Variants in GEMIN4 observed in about 807,000 individuals in gnomAD.
GEMIN4 encodes the protein gem-associated protein 4.
GEMIN4 carries 59 observed loss-of-function variants against 76.8 expected under a neutral mutation model. That is an observed-to-expected ratio of 0.77 (90% CI 0.62 to 0.95). The LOEUF is 0.95. Among genes scored for constraint, GEMIN4 ranks in the 40% least tolerant of loss-of-function variants. GEMIN4 has a pLI of 0.00. For synonymous variants in GEMIN4, 562 were observed against 559.7 expected (o/e 1.00, Z -0.06); for missense variants, 1,311 against 1,318.9 (o/e 0.99, Z 0.09).
In GEMIN4 at chr17:746,196, G is replaced by A. The variant is rs1328232001; in HGVS notation, c.1847C>T (p.Ser616Phe). 1.2e-6 allele frequency: 2 copies of A among 1,613,760 alleles called. No individual in the cohort carries two copies. The highest frequency in any genetic ancestry group is 1.3e-5 in the African/African-American group (1 of 74,928). Residue 616 changes from serine to phenylalanine, a missense_variant, in exon 2 of 2, where the codon TCT becomes TTT. By Grantham distance (155) the Ser-to-Phe change is radical. This residue lies in a region of GEMIN4 where 1,208 missense variants were observed against 1,166.9 expected (regional missense o/e 1.04). Transcript: ENST00000319004. The surrounding 1 kb of genome is among the most constrained non-coding windows in gnomAD (Gnocchi z 4.3). ...AAATTGCTTTTCTTCCTTGGGTGTA[G>A]AGAACTTCATCCAGACGGTTTCTTT... ...CLKETVWMKF[S>F]TPKEEKQFLE...
chr17:746,861 C>T lies in GEMIN4; in HGVS notation c.1182G>A (p.Leu394=), dbSNP rs750514880. ...TGATATCCTCCAAGGCCCTGTTCTTCAGCACCGTGCTCGTTTTCCTCAGGA... is the reference window on the plus strand; with the variant it reads ...TGATATCCTCCAAGGCCCTGTTCTTTAGCACCGTGCTCGTTTTCCTCAGGA... ...RDFLRKTSTV[L]KNRALEDITA... The change falls in exon 2 of 2, where the codon CTG becomes CTA. Residue 394 remains leucine (L), a synonymous_variant. Coordinates refer to ENST00000319004, the MANE Select transcript of GEMIN4 (RefSeq NM_015721.3). The surrounding 1 kb of genome is among the most constrained non-coding windows in gnomAD (Gnocchi z 4.3). 5.6e-6 allele frequency: 9 copies of T among 1,613,722 alleles called. No individual in the cohort carries two copies. In the South Asian group the frequency reaches 7.7e-5, roughly 14 times the overall value.
chr17:747,581 G>A lies in GEMIN4; in HGVS notation c.462C>T (p.Ala154=), dbSNP rs151264305. ...FLEHVTVDTS[A]EDVAFFLDVW... The stretch of plus-strand genomic sequence containing the variant: ...CGTCCAGGAAGAAGGCCACGTCTTC[G>A]GCAGAAGTGTCAACGGTCACATGTT... Residue 154 remains alanine (A), a synonymous_variant, in exon 2 of 2, where the codon GCC becomes GCT. Coordinates refer to ENST00000319004, the MANE Select transcript of GEMIN4 (RefSeq NM_015721.3). 3.6e-5 allele frequency: 58 copies of A among 1,613,860 alleles called. No homozygotes were observed. In the African/African-American group the frequency reaches 5.9e-4, roughly 16 times the overall value.
Position 747,688 on chromosome 17 carries a change from G to C in GEMIN4, c.355C>G (p.Leu119Val). Reference protein sequence around the residue: ...HTILFELLKSLEASGLFIQLL... With the variant: ...HTILFELLKSVEASGLFIQLL... ...TGGATAAAGAGTCCAGAAGCTTCCA[G>C]GGATTTGAGCAGCTCGAAGAGGATG... Residue 119 changes from leucine to valine, a missense_variant, in exon 2 of 2, where the codon CTG (leucine) becomes GTG (valine). Around this residue, in one of 2 missense-constraint regions of GEMIN4, gnomAD observed 103 missense variants for 152.0 expected, o/e 0.68. Coordinates refer to ENST00000319004, the MANE Select transcript of GEMIN4 (RefSeq NM_015721.3). 1 of 1,613,884 alleles carries C rather than the reference G, an allele frequency of 6.2e-7. No homozygotes were observed. Among genetic ancestry groups the C allele is most frequent in the South Asian group, 1.1e-5 (1 of 91,058 alleles).
chr17:751,336 C>T (rs1164887046), intron 1 of GEMIN4, among the ~76,000 whole-genome samples: 1 of 152,122 alleles, frequency 6.6e-6, no homozygotes, highest in Admixed American at 6.5e-5. Flanking sequence ...GGCTGAGGGG[C>T]TCCAAGCCCT....
Position 744,952 on chromosome 17 carries a change from C to G in GEMIN4, c.3091G>C (p.Glu1031Gln). 1.9e-6 allele frequency: 3 copies of G among 1,613,940 alleles called. No homozygotes were observed. The highest frequency in any genetic ancestry group is 2.5e-6 in the Non-Finnish European group (3 of 1,179,878). The change falls in exon 2 of 2, where the codon GAG becomes CAG. Residue 1031 changes from glutamate to glutamine, a missense_variant. By Grantham distance (29) the Glu-to-Gln change is conservative (BLOSUM62 2). Transcript: ENST00000319004. ...GCAATGGACTTTAAGAAGCGCTGCT[C>G]GTGTGCCCTCTGGAGCAAGGAGCTG... ...SVSSLLQRAH[E>Q]QRFLKSIAEG...
At chr17:750,249 C>G (rs1309880069) in intron 1 of GEMIN4, among the ~76,000 whole-genome samples, 1 of 152,052 alleles carries the variant, frequency 6.6e-6, no homozygotes, top group Non-Finnish European at 1.5e-5. Flanking sequence ...AGCCTTCCTT[C>G]TGCATATGTG....
At chr17:750,245 C>A (rs1453079317) in intron 1 of GEMIN4, among the ~76,000 whole-genome samples, 1 of 152,096 alleles carries the variant, frequency 6.6e-6, no homozygotes, top group Non-Finnish European at 1.5e-5. Flanking sequence ...TCCAAGCCTT[C>A]CTTCTGCATA....
chr17:752,554 A>G, upstream of GEMIN4: 1 of 557,796 alleles, frequency 1.8e-6, no homozygotes, highest in Non-Finnish European at 2.4e-6. Context: ...CGGGACGCCC[A>G]CCACCCAGCG....
chr17:752,199 A>T lies in GEMIN4; in HGVS notation c.-57T>A. ...CGCCCCCTCCCCTCCGAGAACTCGA[A>T]CGCGGCGCGGGACGCACGGCACGAT... On this transcript the variant is annotated 5_prime_UTR_variant, in exon 1 of 2. Coordinates refer to ENST00000319004, the MANE Select transcript of GEMIN4 (RefSeq NM_015721.3). 1 of 1,231,704 alleles carries T rather than the reference A, an allele frequency of 8.1e-7. No individual in the cohort carries two copies. The highest frequency in any genetic ancestry group is 4.1e-5 in the South Asian group (1 of 24,432). The allele number at this position is 1,231,704 out of a possible 1,614,324, so 76.3% of individuals were successfully genotyped here.
In GEMIN4 at chr17:747,975, T is replaced by C. The variant is rs1904364214; in HGVS notation, c.68A>G (p.Glu23Gly). 1 of 1,612,772 alleles carries C rather than the reference T, an allele frequency of 6.2e-7. No homozygotes were observed. Among genetic ancestry groups the C allele is most frequent in the Non-Finnish European group, 8.5e-7 (1 of 1,179,488 alleles). ...TILHGGFLLA[E>G]QLFHPKALAE... ...CAGTGCCTTAGGGTGGAACAGCTGC[T>C]CGGCCAGCAAGAAGCCTCCATGCAG... The change falls in exon 2 of 2, where the codon GAG (glutamate) becomes GGG (glycine). Residue 23 changes from glutamate to glycine, a missense_variant. This residue lies in a region of GEMIN4 where 103 missense variants were observed against 152.0 expected (regional missense o/e 0.68). Transcript: ENST00000319004.
In GEMIN4 at chr17:744,782, C is replaced by T; in HGVS notation, c.*84G>A. On this transcript the variant is annotated 3_prime_UTR_variant, in exon 2 of 2. Transcript: ENST00000319004. ...CCCCTACAGACCTGCCATGTTGAAG[C>T]CCAGCTTTTTCGCTCCCGCACAGGT... is the stretch of plus-strand genomic sequence containing the variant. 1 of 1,439,248 alleles carries T rather than the reference C, an allele frequency of 6.9e-7. No homozygotes were observed. Among genetic ancestry groups the T allele is most frequent in the Non-Finnish European group, 9.2e-7 (1 of 1,087,854 alleles). 89.2% of individuals were successfully genotyped at this position (1,439,248 alleles called of 1,614,324 possible).
At position 748,076 on chromosome 17, in the gene GEMIN4, T is replaced by C. The variant is rs1293377423; in HGVS notation, c.11-44A>G. The stretch of plus-strand genomic sequence containing the variant: ...AATAAGACAGTATAGTGAAAATGTT[T>C]CCAGATGGCCACTGCTGTTAGTAGG... On this transcript the variant is annotated intron_variant, in intron 1 of 1. Coordinates refer to ENST00000319004, the MANE Select transcript of GEMIN4 (RefSeq NM_015721.3). 2.1e-6 allele frequency: 3 copies of C among 1,447,520 alleles called. No homozygotes were observed. The South Asian group carries it at 4.0e-5, about 19-fold the overall frequency. The allele number at this position is 1,447,520 out of a possible 1,614,324, so 89.7% of individuals were successfully genotyped here.
chr17:751,317 A>G (rs746443781), intron 1 of GEMIN4, among the ~76,000 whole-genome samples: 6 of 152,146 alleles, frequency 3.9e-5, no homozygotes, highest in Non-Finnish European at 8.8e-5. Flanking sequence ...GGGGCTGGGA[A>G]GCAATTACGG....
chr17:745,891 TCTC>T lies in GEMIN4; in HGVS notation c.2149_2151del (p.Glu717del). 1 of 1,612,916 alleles carries T rather than the reference TCTC, an allele frequency of 6.2e-7. No homozygotes were observed. Among genetic ancestry groups the T allele is most frequent in the Non-Finnish European group, 8.5e-7 (1 of 1,179,838 alleles). The stretch of plus-strand genomic sequence containing the variant: ...TTCCTATCCAAAGAGAGGCACCGCT[TCTC>T]CTTGGGAAGCTGCCAGTATTTGCTG... On this transcript the variant is annotated inframe_deletion, in exon 2 of 2. Coordinates refer to ENST00000319004, the MANE Select transcript of GEMIN4 (RefSeq NM_015721.3). The surrounding 1 kb of genome is among the most constrained non-coding windows in gnomAD (Gnocchi z 4.6).
intron 1 of GEMIN4, 187 bp downstream of exon 1, chr17:751,946 C>T (rs890598862): frequency 1.0e-5 from 4 of 393,906 alleles, no homozygotes; most frequent in African/African-American, 6.2e-5. Flanking sequence ...CGCGGCCCAA[C>T]GCGCGGCGGG....
chr17:753,888 G>A (rs1904878056), upstream of GEMIN4: 1 of 152,384 alleles, frequency 6.6e-6, no homozygotes, highest in African/African-American at 2.4e-5. Flanking sequence ...GCACCACAGA[G>A]GGGAGAGGGA....
At position 744,932 on chromosome 17, in the gene GEMIN4, G is replaced by A. The variant is rs1373324334; in HGVS notation, c.3111C>T (p.Ser1037=). Residue 1037 remains serine (S), a synonymous_variant, in exon 2 of 2, where the codon TCC becomes TCT. Coordinates refer to ENST00000319004, the MANE Select transcript of GEMIN4 (RefSeq NM_015721.3). Reference sequence around the variant, plus strand: ...CTTCAGGGCCGATGCCCTCAGCAATGGACTTTAAGAAGCGCTGCTCGTGTG... The same window carrying A: ...CTTCAGGGCCGATGCCCTCAGCAATAGACTTTAAGAAGCGCTGCTCGTGTG... ...QRAHEQRFLK[S]IAEGIGPEER... The A allele has an allele frequency of 1.2e-6, 2 of 1,613,736 alleles. No homozygotes were observed. Among genetic ancestry groups the A allele is most frequent in the East Asian group, 4.5e-5 (2 of 44,894 alleles).
chr17:747,271 G>A lies in GEMIN4; in HGVS notation c.772C>T (p.Gln258Ter). ...AGATACACGGTTGCAGACACCTCCT[G>A]GGGGTCGTCCTCTGTCAGCGCAAAC... The part of the protein sequence containing the change: ...TVFALTEDDP[Q>*]EVSATVYLDK... Residue 258 changes from glutamine (Q) to a stop codon, truncating the protein, a stop_gained, in exon 2 of 2, where the codon CAG (glutamine) becomes TAG (stop). Coordinates refer to ENST00000319004, the MANE Select transcript of GEMIN4 (RefSeq NM_015721.3). LOFTEE classifies it high-confidence loss of function. 2 of 1,613,778 alleles carry A rather than the reference G, an allele frequency of 1.2e-6. No individual in the cohort carries two copies. The highest frequency in any genetic ancestry group is 1.6e-4 in the Middle Eastern group (1 of 6,062).
At chr17:748,374 T>G in intron 1 of GEMIN4, 2 of 253,410 alleles carry the variant, frequency 7.9e-6, no homozygotes, top group Admixed American at 5.1e-5. Context: ...CAGGTGGAAG[T>G]TCAGGAGGGA....
Sources: gnomAD v4.1 joint callset for allele counts (sites outside exome capture counted in the v4.1 genomes callset) on GRCh38, gnomAD v4.1.1 for gene constraint, gnomAD v4.1.1 regional missense constraint, Gnocchi (gnomAD v3.1) non-coding constraint, MANE v1.5 for transcripts, NCBI Gene and HGNC (gene_info 2026-07-23, HGNC 2026-07-21) for gene names.